PTPRG: variants seen among roughly 807,000 people sequenced by gnomAD.
The protein encoded by PTPRG is protein tyrosine phosphatase receptor type G.
Under a neutral mutation model 165.3 loss-of-function variants are expected in PTPRG, and 102 were observed. The ratio of observed to expected loss-of-function variants is 0.62; its 90% CI spans 0.53 to 0.73. The LOEUF (loss-of-function observed/expected upper bound fraction) is 0.73. Among genes scored for constraint, PTPRG ranks in the 30% least tolerant of loss-of-function variants. PTPRG has a pLI of 0.00. For missense variants in PTPRG, 1,866 were observed against 1,861.4 expected (o/e 1.00, Z -0.05); for synonymous variants, 675 against 669.5 (o/e 1.01, Z -0.13).
At chr3:62,277,216 A>G (rs370583206) in intron 25 of PTPRG, among the ~76,000 whole-genome samples, 168 bp downstream of exon 25, 1 of 152,174 alleles carries the variant, frequency 6.6e-6, no homozygotes, top group African/African-American at 2.4e-5. Flanking sequence ...ATACCTAATC[A>G]GTGCTGGTAC....
chr3:62,129,398 A>C (rs1703432201), intron 5 of PTPRG, among the ~76,000 whole-genome samples: 1 of 152,178 alleles, frequency 6.6e-6, no homozygotes, highest in African/African-American at 2.4e-5. Flanking sequence ...GCTGTCACAG[A>C]ATGCCACACT....
chr3:62,202,035 C>T (rs1349842825), intron 11 of PTPRG, among the ~76,000 whole-genome samples: 3 of 152,206 alleles, frequency 2.0e-5, no homozygotes, highest in Non-Finnish European at 2.9e-5. Flanking sequence ...TCACTATGCT[C>T]TTCCTGGGTT....
intron 1 of PTPRG, among the ~76,000 whole-genome samples, chr3:61,660,051 C>T (rs1343115576): frequency 1.3e-5 from 2 of 152,020 alleles, no homozygotes; most frequent in East Asian, 3.9e-4. Flanking sequence ...ATGGTGAAAC[C>T]CTGTCTCTAC....
At chr3:62,127,765 A>T in intron 5 of PTPRG, among the ~76,000 whole-genome samples, 1 of 152,210 alleles carries the variant, frequency 6.6e-6, no homozygotes, top group East Asian at 1.9e-4. Flanking sequence ...GGACAGTAGA[A>T]GTAAATGGCA....
chr3:62,091,357 T>C (rs1158457309), intron 5 of PTPRG, among the ~76,000 whole-genome samples: 1 of 152,214 alleles, frequency 6.6e-6, no homozygotes, highest in Non-Finnish European at 1.5e-5. Flanking sequence ...CATGTCTTTC[T>C]TACTACTTTA....
chr3:61,760,764 C>A (rs2033809533), intron 2 of PTPRG, among the ~76,000 whole-genome samples: 1 of 152,166 alleles, frequency 6.6e-6, no homozygotes, highest in African/African-American at 2.4e-5. Context: ...CTCGCCCCTC[C>A]CTGCTCTCCA....
chr3:62,005,162 T>G (rs1295482244), intron 4 of PTPRG, among the ~76,000 whole-genome samples: 7 of 152,244 alleles, frequency 4.6e-5, no homozygotes, highest in Admixed American at 4.6e-4. Flanking sequence ...AAATTCTCAG[T>G]ATCAGAATTC....
intron 2 of PTPRG, among the ~76,000 whole-genome samples, chr3:61,863,873 C>G (rs2037337438): frequency 6.6e-6 from 1 of 152,178 alleles, no homozygotes; most frequent in Admixed American, 6.5e-5. Flanking sequence ...AGGGAATGAC[C>G]TAGTATGAAC....
rs187163193 is a variant in PTPRG, at chr3:62,228,250, C to T, written c.2289-2975C>T. On this transcript the variant is annotated intron_variant, in intron 13 of 29. Coordinates refer to ENST00000474889, the MANE Select transcript of PTPRG (RefSeq NM_002841.4). This position sits in a 1 kb window ranked among gnomAD's most constrained non-coding sequence, Gnocchi z 4.1. The stretch of plus-strand genomic sequence containing the variant: ...AAACAAAGAAAAAGGAGGCTGGGCG[C>T]GGTGGCTCATGCCTGTCATCTCAGC... 1.2e-4 allele frequency among the ~76,000 whole-genome samples: 18 copies of T among 152,078 alleles called. No individual in the cohort carries two copies. Among genetic ancestry groups the T allele is most frequent in the Middle Eastern group, 3.4e-3 (1 of 294 alleles).
chr3:62,084,427 A>T (rs1052362371), intron 5 of PTPRG, among the ~76,000 whole-genome samples: 3 of 152,114 alleles, frequency 2.0e-5, no homozygotes, highest in Non-Finnish European at 4.4e-5. Flanking sequence ...TTTTTCCCTC[A>T]GGTCTGTAGA....
At chr3:62,171,205 AT>A (rs1470824897) in intron 8 of PTPRG, among the ~76,000 whole-genome samples, 2 of 152,164 alleles carry the variant, frequency 1.3e-5, no homozygotes, top group Non-Finnish European at 1.5e-5. Flanking sequence ...AGTCTGGGTG[AT>A]TACGAAAACT....
At chr3:61,575,509 G>GTAAGAAAACCA in intron 1 of PTPRG, among the ~76,000 whole-genome samples, 1 of 151,856 alleles carries the variant, frequency 6.6e-6, no homozygotes, top group East Asian at 1.9e-4. Context: ...TTAAAATGGG[G>GTAAGAAAACCA]ATAATGAGAA....
At chr3:61,577,666 G>A (rs1422604066) in intron 1 of PTPRG, among the ~76,000 whole-genome samples, 1 of 152,030 alleles carries the variant, frequency 6.6e-6, no homozygotes, top group Non-Finnish European at 1.5e-5. Flanking sequence ...CATGTGGCTC[G>A]CATTTGTAGC....
At chr3:62,024,001 CAAGA>C (rs2041754759) in intron 4 of PTPRG, among the ~76,000 whole-genome samples, 1 of 152,048 alleles carries the variant, frequency 6.6e-6, no homozygotes, top group Admixed American at 6.6e-5. Context: ...GGTTCAAAAA[CAAGA>C]AAGGGGGTCT....
chr3:61,621,570 C>T (rs1575544006), intron 1 of PTPRG, among the ~76,000 whole-genome samples: 1 of 152,144 alleles, frequency 6.6e-6, no homozygotes, highest in Admixed American at 6.5e-5. Context: ...CCCTCTTTCT[C>T]TCTCTGTCTT....
intron 17 of PTPRG, 121 bp from the exon 18 acceptor site, chr3:62,267,289 A>C (rs573440573): frequency 1.4e-6 from 1 of 731,708 alleles, no homozygotes; most frequent in South Asian, 1.9e-5. Flanking sequence ...TTCTGCCAAA[A>C]GTTTTCTCAG....
chr3:61,607,182 C>G (rs148154964), intron 1 of PTPRG, among the ~76,000 whole-genome samples: 2 of 152,292 alleles, frequency 1.3e-5, no homozygotes, highest in East Asian at 3.9e-4. Flanking sequence ...TTCTAGGGGT[C>G]TAGAATTGGT....
At chr3:61,989,477 C>A in intron 2 of PTPRG, 148 bp from the exon 3 acceptor site, 1 of 677,304 alleles carries the variant, frequency 1.5e-6, no homozygotes, top group Non-Finnish European at 2.4e-6. Context: ...TCACATCAGG[C>A]CAATGGCTTT....
rs147475996 is a variant in PTPRG, at chr3:61,623,424, C to A, written c.85+61052C>A. On this transcript the variant is annotated intron_variant, in intron 1 of 29. Transcript: ENST00000474889. ...GGGGGAAGGACCTTGAGGTTAATTA[C>A]AACTAGGCCTTGCTTTCTTTAAGGT... Among the ~76,000 whole-genome samples the A allele has an allele frequency of 1.8e-3, 275 of 152,290 alleles. 3 individuals carry two copies. The highest frequency in any genetic ancestry group is 6.3e-3 in the African/African-American group (261 of 41,564).
Sources: gnomAD v4.1 joint callset for allele counts (sites outside exome capture counted in the v4.1 genomes callset) on GRCh38, gnomAD v4.1.1 for gene constraint, Gnocchi (gnomAD v3.1) non-coding constraint, MANE v1.5 for transcripts, NCBI Gene and HGNC (gene_info 2026-07-23, HGNC 2026-07-21) for gene names.